Variants in TAFA2 observed in about 807,000 individuals in gnomAD.
TAFA2 encodes the protein chemokine-like protein TAFA-2.
Under a neutral mutation model 18.8 loss-of-function variants are expected in TAFA2, and 7 were observed. The observed-to-expected ratio is 0.37, with a 90% confidence interval of 0.21 to 0.70. The LOEUF (loss-of-function observed/expected upper bound fraction) is 0.70, where lower values mean the gene tolerates loss of function less well. Ranked by LOEUF, TAFA2 falls within the 30% of genes least tolerant of loss-of-function variation. TAFA2 has a pLI of 0.53. For missense variants in TAFA2, 122 were observed against 158.1 expected (o/e 0.77, Z 1.23); for synonymous variants, 60 against 54.2 (o/e 1.11, Z -0.47).
intron 1 of TAFA2, among the ~76,000 whole-genome samples, chr12:62,251,875 G>A (rs145372385): frequency 1.3e-5 from 2 of 152,314 alleles, no homozygotes; most frequent in East Asian, 3.9e-4. Context: ...AATCCCAGCA[G>A]CTAGAGGAAT....
At chr12:61,741,810 G>C (rs1371888133) in intron 4 of TAFA2, among the ~76,000 whole-genome samples, 2 of 152,122 alleles carry the variant, frequency 1.3e-5, no homozygotes, top group Non-Finnish European at 2.9e-5. Context: ...TACCCACATA[G>C]AGTACATTCG....
At chr12:62,186,517 C>T (rs974873653) in intron 1 of TAFA2, among the ~76,000 whole-genome samples, 2 of 152,118 alleles carry the variant, frequency 1.3e-5, no homozygotes, top group Non-Finnish European at 2.9e-5. Context: ...ATTATTGAAT[C>T]TCTCTGTAGA....
intron 1 of TAFA2, among the ~76,000 whole-genome samples, chr12:62,015,929 T>C (rs1405991896): frequency 6.6e-6 from 1 of 152,192 alleles, no homozygotes; most frequent in Non-Finnish European, 1.5e-5. Context: ...GGGTATAGAA[T>C]TCTACTTTGG....
intron 2 of TAFA2, among the ~76,000 whole-genome samples, chr12:61,860,861 A>G (rs1021368055): frequency 8.5e-5 from 13 of 152,190 alleles, no homozygotes; most frequent in African/African-American, 3.1e-4. Flanking sequence ...ACCATTTGTA[A>G]TTAACTATTT....
intron 1 of TAFA2, among the ~76,000 whole-genome samples, chr12:62,007,876 T>C (rs370909625): frequency 2.4e-5 from 2 of 84,104 alleles, no homozygotes; most frequent in African/African-American, 4.3e-5. Context: ...TTTTAAAATA[T>C]ACAATACTTT....
In TAFA2 at chr12:61,877,813, T is replaced by C. The variant is rs138839853; in HGVS notation, c.-1-10387A>G. 3.2e-3 allele frequency among the ~76,000 whole-genome samples: 491 copies of C among 152,188 alleles called. 3 individuals carry two copies. The highest frequency in any genetic ancestry group is 5.9e-3 in the Non-Finnish European group (401 of 67,986). ...ATGTACAATGGACATGAGAGTACTC[T>C]GTAAACTGTATAGTAGTGTATAAAT... On this transcript the variant is annotated intron_variant, in intron 1 of 4. Transcript: ENST00000416284.
At chr12:62,061,656 G>A (rs926039034) in intron 1 of TAFA2, among the ~76,000 whole-genome samples, 2 of 152,188 alleles carry the variant, frequency 1.3e-5, no homozygotes, top group Non-Finnish European at 1.5e-5. Flanking sequence ...TCACTAGGAG[G>A]TTACTCATTT....
At chr12:62,243,653 T>C (rs1446535093) in intron 1 of TAFA2, among the ~76,000 whole-genome samples, 1 of 152,244 alleles carries the variant, frequency 6.6e-6, no homozygotes, top group African/African-American at 2.4e-5. Flanking sequence ...TCGCTGCACA[T>C]TGGCAGCATT....
intron 1 of TAFA2, among the ~76,000 whole-genome samples, chr12:62,175,379 A>G (rs1383666789): frequency 6.6e-6 from 1 of 152,158 alleles, no homozygotes; most frequent in Non-Finnish European, 1.5e-5. Context: ...TTTTGTATCT[A>G]CACACTCCAA....
intron 1 of TAFA2, 46 bp downstream of exon 1, chr12:62,191,213 C>G (rs1468899045): frequency 1.3e-5 from 2 of 152,122 alleles, no homozygotes; most frequent in African/African-American, 4.8e-5. Context: ...GTTGCCGCTC[C>G]GGTCCCCAGC....
intron 1 of TAFA2, among the ~76,000 whole-genome samples, chr12:62,058,550 T>C (rs775604937): frequency 5.3e-5 from 8 of 152,204 alleles, no homozygotes; most frequent in Non-Finnish European, 1.2e-4. Flanking sequence ...AGTCAGTAAA[T>C]AAGTACAGCT....
In TAFA2 at chr12:61,735,044, G is replaced by A. The variant is rs146311816; in HGVS notation, c.384+18578C>T. Among the ~76,000 whole-genome samples, 1,246 of 152,128 alleles carry A rather than the reference G, an allele frequency of 8.2e-3. 8 individuals carry two copies. Among genetic ancestry groups the A allele is most frequent in the African/African-American group, 0.026 (1,090 of 41,554 alleles). ...GTTCTTGGAGTTGTTTGGCCATAGT[G>A]AGGACTTAATAAGTGTTAGTTAGAA... On this transcript the variant is annotated intron_variant, in intron 4 of 4. Coordinates refer to ENST00000416284, the MANE Select transcript of TAFA2 (RefSeq NM_178539.5).
chr12:62,234,824 A>C (rs1418461052), intron 1 of TAFA2: 4 of 1,026,968 alleles, frequency 3.9e-6, no homozygotes, highest in Admixed American at 1.7e-5. Context: ...AGTCTGGCTG[A>C]CTTACGAGAG....
At chr12:62,065,999 G>A (rs542218594) in intron 1 of TAFA2, among the ~76,000 whole-genome samples, 13 of 152,058 alleles carry the variant, frequency 8.5e-5, no homozygotes, top group African/African-American at 3.1e-4. Context: ...TCATTTCTGT[G>A]TGATTAGGAA....
chr12:61,881,665 C>T (rs1875144368), intron 1 of TAFA2, among the ~76,000 whole-genome samples: 1 of 152,132 alleles, frequency 6.6e-6, no homozygotes, highest in South Asian at 2.1e-4. Context: ...TCTGCTTCAG[C>T]CCATTGAGGA....
chr12:62,198,336 T>G (rs2062657515), intron 1 of TAFA2: 4 of 152,198 alleles, frequency 2.6e-5, no homozygotes, highest in African/African-American at 9.7e-5. Flanking sequence ...TCTTTCTGCC[T>G]CCAACCCCTG....
At chr12:61,989,380 A>AC (rs1162785247) in intron 1 of TAFA2, among the ~76,000 whole-genome samples, 4 of 122,282 alleles carry the variant, frequency 3.3e-5, no homozygotes, top group Non-Finnish European at 7.0e-5. Context: ...GGTCCCCCCC[A>AC]CTTACTCCCC....
chr12:62,212,557 G>A (rs1331234770), intron 1 of TAFA2, among the ~76,000 whole-genome samples: 1 of 151,726 alleles, frequency 6.6e-6, no homozygotes, highest in Non-Finnish European at 1.5e-5. Flanking sequence ...ATCCATGAAG[G>A]AAAAGTCCCT....
chr12:62,197,854 A>C (rs1249840775), intron 1 of TAFA2, among the ~76,000 whole-genome samples: 1 of 152,120 alleles, frequency 6.6e-6, no homozygotes, highest in Admixed American at 6.6e-5. Context: ...TTCACCTCTT[A>C]ATGAACATTT....
Sources: gnomAD v4.1 joint callset for allele counts (sites outside exome capture counted in the v4.1 genomes callset) on GRCh38, gnomAD v4.1.1 for gene constraint, MANE v1.5 for transcripts, NCBI Gene and HGNC (gene_info 2026-07-23, HGNC 2026-07-21) for gene names.